DISC1: variants seen among roughly 807,000 people sequenced by gnomAD.
DISC1 encodes the protein DISC1 scaffold protein.
DISC1 carries 57 observed loss-of-function variants against 84.5 expected under a neutral mutation model. The ratio of observed to expected loss-of-function variants is 0.67; its 90% CI spans 0.55 to 0.84. The LOEUF is 0.84. DISC1 is among the 40% of genes least tolerant of loss of function. DISC1 has a pLI of 0.00. For missense variants in DISC1, 1,000 were observed against 1,057.8 expected (o/e 0.95, Z 0.76); for synonymous variants, 411 against 415.2 (o/e 0.99, Z 0.12).
At chr1:231,806,668 C>T (rs2079742828) in intron 8 of DISC1, among the ~76,000 whole-genome samples, 1 of 151,174 alleles carries the variant, frequency 6.6e-6, no homozygotes, top group African/African-American at 2.4e-5. Context: ...AAGGCCTCTT[C>T]TCCCAGGAGG....
intron 9 of DISC1, among the ~76,000 whole-genome samples, chr1:231,860,799 C>T (rs2125922521): frequency 6.6e-6 from 1 of 152,198 alleles, no homozygotes; most frequent in Non-Finnish European, 1.5e-5. Flanking sequence ...GACACATTTC[C>T]CTACCCTTTA....
chr1:231,649,457 G>A (rs2060430804), intron 1 of DISC1, among the ~76,000 whole-genome samples: 3 of 152,170 alleles, frequency 2.0e-5, no homozygotes, highest in African/African-American at 7.2e-5. Context: ...TACATTTTCT[G>A]AGGAGTGCTT....
chr1:232,003,467 A>C (rs967145935), intron 10 of DISC1, among the ~76,000 whole-genome samples: 1 of 152,164 alleles, frequency 6.6e-6, no homozygotes, highest in Non-Finnish European at 1.5e-5. Context: ...AGACTCATAA[A>C]ACAACCAATA....
At chr1:231,627,713 T>C (rs1037759684) in intron 1 of DISC1, among the ~76,000 whole-genome samples, 1 of 152,246 alleles carries the variant, frequency 6.6e-6, no homozygotes, top group Non-Finnish European at 1.5e-5. Flanking sequence ...CCTTGTGTTC[T>C]TGCTGGGTGA....
chr1:232,016,588 C>T (rs1668508804), intron 11 of DISC1, among the ~76,000 whole-genome samples: 1 of 152,230 alleles, frequency 6.6e-6, no homozygotes, highest in Non-Finnish European at 1.5e-5. Flanking sequence ...GTAATATAAA[C>T]TGTAGCTTTT....
At chr1:231,920,918 T>G (rs1255690907) in intron 9 of DISC1, among the ~76,000 whole-genome samples, 1 of 150,304 alleles carries the variant, frequency 6.7e-6, no homozygotes, top group Non-Finnish European at 1.5e-5. Flanking sequence ...TTTTTTTTTT[T>G]TTTTTTGAGA....
At chr1:231,724,066 T>C in intron 3 of DISC1, 1 of 973,714 alleles carries the variant, frequency 1.0e-6, no homozygotes, top group Non-Finnish European at 1.2e-6. Context: ...ATGTTGGTCT[T>C]CATCCTTTAA....
intron 4 of DISC1, among the ~76,000 whole-genome samples, chr1:231,762,047 A>G (rs72758643): frequency 0.062 from 9,506 of 152,194 alleles, 383 homozygotes; most frequent in Non-Finnish European, 0.092. Flanking sequence ...CTTCTGATGC[A>G]TATAAATATC....
chr1:231,672,644 T>C (rs1443997196), intron 1 of DISC1, among the ~76,000 whole-genome samples: 1 of 152,220 alleles, frequency 6.6e-6, no homozygotes, highest in Non-Finnish European at 1.5e-5. Context: ...TCTTATTGCT[T>C]TGTGACCCCC....
chr1:231,983,993 G>A (rs542361250), intron 10 of DISC1, among the ~76,000 whole-genome samples: 24 of 152,184 alleles, frequency 1.6e-4, no homozygotes, highest in Non-Finnish European at 2.6e-4. Context: ...TGAGGCTGAG[G>A]GAGGTTAAAT....
chr1:231,798,031 T>G (rs1006343720), intron 7 of DISC1, among the ~76,000 whole-genome samples: 22 of 151,644 alleles, frequency 1.5e-4, no homozygotes, highest in Admixed American at 2.0e-4. Flanking sequence ...CTCTGTACTT[T>G]AAACTAGATT....
At chr1:231,982,565 C>T (rs1026580691) in intron 10 of DISC1, among the ~76,000 whole-genome samples, 1 of 152,158 alleles carries the variant, frequency 6.6e-6, no homozygotes, top group Non-Finnish European at 1.5e-5. Flanking sequence ...CAAGATAACT[C>T]AGATAGTCAT....
intron 10 of DISC1, among the ~76,000 whole-genome samples, chr1:231,974,837 A>G (rs1662550962): frequency 6.6e-6 from 1 of 152,234 alleles, no homozygotes; most frequent in Admixed American, 6.5e-5. Flanking sequence ...GTGGTGGCTC[A>G]CGCCTGTAAT....
intron 3 of DISC1, among the ~76,000 whole-genome samples, chr1:231,748,084 T>G (rs1274237094): frequency 6.6e-6 from 1 of 152,242 alleles, no homozygotes; most frequent in Admixed American, 6.5e-5. Flanking sequence ...ATATTAATTT[T>G]GTATCCTGCA....
At chr1:232,012,379 A>G (rs1454437817) in intron 11 of DISC1, among the ~76,000 whole-genome samples, 7 of 152,326 alleles carry the variant, frequency 4.6e-5, no homozygotes, top group African/African-American at 1.4e-4. Flanking sequence ...ATTTTAGACT[A>G]CAGAAGGTAT....
chr1:231,766,525 A>T (rs2076190284), intron 4 of DISC1, among the ~76,000 whole-genome samples: 1 of 152,178 alleles, frequency 6.6e-6, no homozygotes, highest in Non-Finnish European at 1.5e-5. Context: ...CTTCTCATTG[A>T]CTAGTGACTC....
In DISC1 at chr1:231,824,006, GAAGTTTA is replaced by G. The variant is rs561070759; in HGVS notation, c.1981+5492_1981+5498del. 1.8e-4 allele frequency among the ~76,000 whole-genome samples: 27 copies of G among 152,294 alleles called. No homozygotes were observed. The South Asian group carries it at 5.6e-3, about 32-fold the overall frequency. On this transcript the variant is annotated intron_variant, in intron 9 of 12. Transcript: ENST00000439617. ...GAGGTGAATTAGGGCTTGGGCTAGTGAAGTTTAAATACGGCATCTTCCAATTTCTGAC... is the reference window on the plus strand; with the variant it reads ...GAGGTGAATTAGGGCTTGGGCTAGTGAATACGGCATCTTCCAATTTCTGAC...
At chr1:231,818,988 G>A in intron 9 of DISC1, 1 of 998,198 alleles carries the variant, frequency 1.0e-6, no homozygotes, top group Non-Finnish European at 1.2e-6. Flanking sequence ...GGATGATGTA[G>A]AAGATGTGAA....
intron 3 of DISC1, among the ~76,000 whole-genome samples, chr1:231,706,161 G>A (rs955995695): frequency 6.6e-6 from 1 of 152,046 alleles, no homozygotes; most frequent in African/African-American, 2.4e-5. Flanking sequence ...AAGGTGGGAG[G>A]GCTTGGGAGA....
Sources: allele counts gnomAD v4.1 joint callset (sites outside exome capture counted in the v4.1 genomes callset), GRCh38; gene constraint gnomAD v4.1.1; transcripts MANE v1.5; gene names NCBI Gene and HGNC (gene_info 2026-07-23, HGNC 2026-07-21).